Variants in NOTCH2 observed in about 807,000 individuals in gnomAD.
The protein encoded by NOTCH2 is neurogenic locus notch homolog protein 2.
A neutral mutation model predicts 235.8 loss-of-function variants in NOTCH2; 29 were observed. The ratio of observed to expected loss-of-function variants is 0.12; its 90% CI spans 0.09 to 0.17. NOTCH2 has a LOEUF of 0.17. Among genes scored for constraint, NOTCH2 ranks in the 10% least tolerant of loss-of-function variants. The probability of loss-of-function intolerance (pLI) is 1.00; values close to 1 mark genes in which losing one functional copy is unlikely to be tolerated. For synonymous variants in NOTCH2, 1,086 were observed against 1,141.5 expected (o/e 0.95, Z 0.98); for missense variants, 2,285 against 3,150.2 (o/e 0.73, Z 6.57).
chr1:119,967,678 G>T, intron 7 of NOTCH2, 57 bp from the exon 8 acceptor site: 1 of 1,464,500 alleles, frequency 6.8e-7, no homozygotes, highest in South Asian at 1.1e-5. Context: ...CCACAAATGT[G>T]AACAATAGAA....
chr1:119,966,811 C>T (rs782476528), intron 8 of NOTCH2, among the ~76,000 whole-genome samples: 1 of 152,122 alleles, frequency 6.6e-6, no homozygotes, highest in Non-Finnish European at 1.5e-5. Context: ...CCAAAATGTC[C>T]CCACTCTATG....
chr1:120,024,936 T>C (rs1317382547), intron 2 of NOTCH2, among the ~76,000 whole-genome samples: 3 of 150,304 alleles, frequency 2.0e-5, no homozygotes, highest in Non-Finnish European at 3.0e-5. Flanking sequence ...AAAGCAGGCA[T>C]AAACTAGAAG....
chr1:120,001,196 G>A (rs587664315), intron 3 of NOTCH2, among the ~76,000 whole-genome samples: 10 of 152,176 alleles, frequency 6.6e-5, no homozygotes, highest in East Asian at 3.9e-4. Flanking sequence ...TTCCGGTCTC[G>A]GGGATATCTT....
At chr1:120,069,104 G>C (rs1253472820) in intron 1 of NOTCH2, 1 of 1,514,896 alleles carries the variant, frequency 6.6e-7, no homozygotes, top group Non-Finnish European at 8.8e-7. Context: ...GGCGTGTAAG[G>C]GGTCCCGGGC....
chr1:119,930,814 A>T (rs191399544), intron 22 of NOTCH2, among the ~76,000 whole-genome samples: 299 of 148,944 alleles, frequency 2.0e-3, no homozygotes, highest in Middle Eastern at 3.6e-3. Context: ...AAAAAAAGGT[A>T]CAGGCTGGGT....
chr1:120,029,646 G>C (rs1417676319), intron 2 of NOTCH2, among the ~76,000 whole-genome samples: 1 of 151,696 alleles, frequency 6.6e-6, no homozygotes, highest in African/African-American at 2.4e-5. Context: ...ACCATGCCTG[G>C]TCTACCCCAT....
intron 19 of NOTCH2, among the ~76,000 whole-genome samples, chr1:119,938,488 T>A (rs897353773): frequency 6.6e-6 from 1 of 152,188 alleles, no homozygotes; most frequent in African/African-American, 2.4e-5. Flanking sequence ...GTCCTAGTGG[T>A]GGCAGGTCAA....
chr1:120,009,394 T>G (rs1653098145), intron 2 of NOTCH2, among the ~76,000 whole-genome samples: 1 of 151,378 alleles, frequency 6.6e-6, no homozygotes, highest in African/African-American at 2.4e-5. Flanking sequence ...TTTAAAATGT[T>G]TTAGAGGGCT....
intron 12 of NOTCH2, 143 bp from the exon 13 acceptor site, chr1:119,955,375 T>C (rs1339561873): frequency 2.6e-6 from 2 of 769,844 alleles, no homozygotes; most frequent in East Asian, 2.6e-5. Flanking sequence ...TGTAAGGAAT[T>C]AGACACCCAA....
At chr1:120,000,279 T>C (rs1553205117) in intron 3 of NOTCH2, among the ~76,000 whole-genome samples, 1 of 152,078 alleles carries the variant, frequency 6.6e-6, no homozygotes, top group African/African-American at 2.4e-5. Flanking sequence ...CTCACACCTG[T>C]AATCCCAGCA....
In NOTCH2 at chr1:119,923,572, G is replaced by A. The variant is rs1649360092; in HGVS notation, c.4859+65C>T. 3.0e-6 allele frequency: 4 copies of A among 1,340,608 alleles called. No homozygotes were observed. The East Asian group carries it at 6.9e-5, about 23-fold the overall frequency. 83.0% of individuals were successfully genotyped at this position (1,340,608 alleles called of 1,614,324 possible). ...ATTTCTATAGGTTGAGTTATGACTTGTGCTATATGTCAAAGTGCTAGGCTT... is the reference window on the plus strand; with the variant it reads ...ATTTCTATAGGTTGAGTTATGACTTATGCTATATGTCAAAGTGCTAGGCTT... On this transcript the variant is annotated intron_variant, in intron 26 of 33. Transcript: ENST00000256646.
At chr1:119,983,264 C>T (rs895984481) in intron 5 of NOTCH2, among the ~76,000 whole-genome samples, 13 of 150,812 alleles carry the variant, frequency 8.6e-5, no homozygotes, top group African/African-American at 2.9e-4. Flanking sequence ...TGTGCAGTGG[C>T]GTGATTAGCC....
At chr1:119,939,496 A>T (rs1428967692) in intron 19 of NOTCH2, among the ~76,000 whole-genome samples, 2 of 152,206 alleles carry the variant, frequency 1.3e-5, no homozygotes, top group Non-Finnish European at 2.9e-5. Flanking sequence ...ATCTTTGGTG[A>T]ATATGGGTAA....
rs6658796 is a variant in NOTCH2, at chr1:119,925,864, T to C, written c.4006-54A>G. 19,575 of 1,604,560 alleles carry C rather than the reference T, an allele frequency of 0.012. 1,158 individuals are homozygous for C. The highest frequency in any genetic ancestry group is 0.12 in the Admixed American group (7,066 of 59,156). On this transcript the variant is annotated intron_variant, in intron 24 of 33. Transcript: ENST00000256646. ...GGCATTGGTAGGAAAACAGTCATAT[T>C]GGAAGTTTGAGGTTTCTAGAAAACC... is the stretch of plus-strand genomic sequence containing the variant.
intron 15 of NOTCH2, chr1:119,950,288 G>A (rs587594261): frequency 2.2e-5 from 8 of 357,866 alleles, no homozygotes; most frequent in Non-Finnish European, 1.6e-5. Flanking sequence ...AATGGCAATA[G>A]GAACTTCTAC....
At position 119,963,751 on chromosome 1, in the gene NOTCH2, G is replaced by A. The variant is rs2101137265; in HGVS notation, c.1738C>T (p.His580Tyr). Residue 580 changes from histidine (H) to tyrosine (Y), a missense_variant, in exon 11 of 34, where the codon CAC (histidine) becomes TAC (tyrosine). Physicochemically the swap from His to Tyr is moderately conservative, Grantham distance 83 (BLOSUM62 2). Around this residue, in one of 6 missense-constraint regions of NOTCH2, gnomAD observed 431 missense variants for 757.8 expected, o/e 0.57. Transcript: ENST00000256646. The stretch of plus-strand genomic sequence containing the variant: ...ATACCATCCTGACACTGACCATGGT[G>A]GCAAGGATCGGGGTCACAGTTGTCA... The part of the protein sequence containing the change: ...NIDNCDPDPC[H>Y]HGQCQDGIDS... 1 of 1,614,140 alleles carries A rather than the reference G, an allele frequency of 6.2e-7. No individual in the cohort carries two copies. Among genetic ancestry groups the A allele is most frequent in the Non-Finnish European group, 8.5e-7 (1 of 1,180,000 alleles).
In NOTCH2 at chr1:120,041,063, A is replaced by AG. The variant is rs1654538051; in HGVS notation, c.74-11077_74-11076insC. ...CTGCAAAAAAAAAAAAAAAAAAAAA[A>AG]AAAAAAAAATATATATATATATATA... On this transcript the variant is annotated intron_variant, in intron 1 of 33. Coordinates refer to ENST00000256646, the MANE Select transcript of NOTCH2 (RefSeq NM_024408.4). 7.2e-4 allele frequency among the ~76,000 whole-genome samples: 81 copies of AG among 111,960 alleles called. 11 individuals are homozygous for AG. The South Asian group carries it at 0.023, about 31-fold the overall frequency. The allele number at this position is 111,960 out of a possible 152,430, so 73.5% of individuals were successfully genotyped here.
At chr1:119,988,698 G>A (rs76863659) in intron 4 of NOTCH2, among the ~76,000 whole-genome samples, 2,232 of 152,188 alleles carry the variant, frequency 0.015, 22 homozygotes, top group Middle Eastern at 0.027. Flanking sequence ...TTAGATTGTT[G>A]GGGAAAATGG....
At chr1:119,986,578 T>C (rs1652026576) in intron 5 of NOTCH2, among the ~76,000 whole-genome samples, 2 of 152,192 alleles carry the variant, frequency 1.3e-5, no homozygotes, top group African/African-American at 2.4e-5. Flanking sequence ...TCTGGTAGCC[T>C]GTACAATTTA....
Sources: allele counts gnomAD v4.1 joint callset (sites outside exome capture counted in the v4.1 genomes callset), GRCh38; gene constraint gnomAD v4.1.1; regional missense constraint gnomAD v4.1.1; transcripts MANE v1.5; gene names NCBI Gene and HGNC (gene_info 2026-07-23, HGNC 2026-07-21).